The following CYP27C1 variants were observed in gnomAD, a reference collection of about 807,000 sequenced individuals.
CYP27C1 encodes the protein cytochrome P450 27C1.
CYP27C1 carries 29 observed loss-of-function variants against 40.6 expected under a neutral mutation model. The observed-to-expected ratio is 0.71, with a 90% CI of 0.53 to 0.97. CYP27C1 has a LOEUF of 0.97. Ranked by LOEUF, CYP27C1 falls within the 50% of genes least tolerant of loss-of-function variation. The pLI is 0.00. For missense variants in CYP27C1, 390 were observed against 485.8 expected, an observed-to-expected ratio of 0.80 and a Z score of 1.85; for synonymous variants, 198 against 186.8, an observed-to-expected ratio of 1.06 and a Z score of -0.49.
At chr2:127,197,611 C>A (rs190048808) in intron 5 of CYP27C1, among the ~76,000 whole-genome samples, 1 of 152,136 alleles carries the variant, frequency 6.6e-6, no homozygotes. Context: ...CGAAGCGTCA[C>A]GCAATCTTAA....
intron 1 of CYP27C1, among the ~76,000 whole-genome samples, chr2:127,210,930 C>T (rs113528216): frequency 1.3e-5 from 2 of 152,080 alleles, no homozygotes; most frequent in African/African-American, 4.8e-5. Context: ...GACTTTAACA[C>T]CCCACTGTCA....
chr2:127,219,544 C>T lies in CYP27C1; in HGVS notation c.282+445G>A, dbSNP rs1041886885. On this transcript the variant is annotated intron_variant, in intron 1 of 8. Transcript: ENST00000664447. The surrounding 1 kb of genome is among the most constrained non-coding windows in gnomAD (Gnocchi z 8.7). The stretch of plus-strand genomic sequence containing the variant: ...CCATCCCTGACTCCCCTCCCCGCTA[C>T]CTCCTCCCCAGGGGTCCCGGCTGGG... 1.3e-5 allele frequency among the ~76,000 whole-genome samples: 2 copies of T among 151,804 alleles called. No individual in the cohort carries two copies. The highest frequency in any genetic ancestry group is 4.8e-5 in the African/African-American group (2 of 41,302).
intron 1 of CYP27C1, among the ~76,000 whole-genome samples, chr2:127,207,818 A>G (rs577254477): frequency 3.7e-4 from 56 of 152,296 alleles, no homozygotes; most frequent in African/African-American, 1.3e-3. Flanking sequence ...AGCCTGAAAT[A>G]AATGGCAAGA....
At chr2:127,189,452 A>G (rs551862257) in intron 8 of CYP27C1, among the ~76,000 whole-genome samples, 56 of 152,028 alleles carry the variant, frequency 3.7e-4, no homozygotes, top group Non-Finnish European at 5.6e-4. Context: ...GGGGCCTGTC[A>G]GGGGGATAGG....
Position 127,185,637 on chromosome 2 carries a change from TTTCA to T in CYP27C1, c.*1630_*1633del, listed in dbSNP as rs1407080507. On this transcript the variant is annotated 3_prime_UTR_variant, in exon 9 of 9. Transcript: ENST00000664447. The surrounding 1 kb of genome is among the most constrained non-coding windows in gnomAD (Gnocchi z 4.9). ...GAGTTATTCTGCTACCACACAGAGATTTCAACTTTATTATATACTTTAACAAAAA... is the reference window on the plus strand; with the variant it reads ...GAGTTATTCTGCTACCACACAGAGATACTTTATTATATACTTTAACAAAAA... 6.6e-6 allele frequency: 1 copy of T among 152,216 alleles called. No homozygotes were observed. The highest frequency in any genetic ancestry group is 1.5e-5 in the Non-Finnish European group (1 of 68,044). 9.4% of individuals were successfully genotyped at this position (152,216 alleles called of 1,614,324 possible). A position where few individuals can be genotyped will look rare whatever the true frequency, so the allele number is the denominator to read the frequency against.
Position 127,218,361 on chromosome 2 carries a change from A to G in CYP27C1, c.282+1628T>C, listed in dbSNP as rs931545686. On this transcript the variant is annotated intron_variant, in intron 1 of 8. Transcript: ENST00000664447. The surrounding 1 kb of genome is among the most constrained non-coding windows in gnomAD (Gnocchi z 6.0). ...AGCAGGCTGTATTGAACCCATCAACAGCAAATAACAAAACACTTTTTACTG... is the reference window on the plus strand; with the variant it reads ...AGCAGGCTGTATTGAACCCATCAACGGCAAATAACAAAACACTTTTTACTG... 2.0e-5 allele frequency among the ~76,000 whole-genome samples: 3 copies of G among 152,168 alleles called. No homozygotes were observed. The highest frequency in any genetic ancestry group is 4.4e-5 in the Non-Finnish European group (3 of 68,032).
chr2:127,214,162 G>C (rs12463909), intron 1 of CYP27C1, among the ~76,000 whole-genome samples: 62,450 of 152,026 alleles, frequency 0.41, 13,636 homozygotes, highest in East Asian at 0.62. Flanking sequence ...TTACTAAAAA[G>C]TCAGGAATAG....
Position 127,209,871 on chromosome 2 carries a change from A to C in CYP27C1, c.283-3781T>G, listed in dbSNP as rs549251625. Among the ~76,000 whole-genome samples the C allele has an allele frequency of 6.6e-6, 1 of 152,356 alleles. No homozygotes were observed. The highest frequency in any genetic ancestry group is 1.9e-4 in the East Asian group (1 of 5,194). On this transcript the variant is annotated intron_variant, in intron 1 of 8. Coordinates refer to ENST00000664447, the MANE Select transcript of CYP27C1 (RefSeq NM_001367502.1). The surrounding 1 kb of genome is among the most constrained non-coding windows in gnomAD (Gnocchi z 4.1). ...CAAAGAAATATGGGACTTCATAAAA[A>C]CAGCAAACCTACAATCGACTGGAGC...
In CYP27C1 at chr2:127,213,164, G is replaced by T. The variant is rs568046464; in HGVS notation, c.282+6825C>A. Among the ~76,000 whole-genome samples, 23 of 152,200 alleles carry T rather than the reference G, an allele frequency of 1.5e-4. No homozygotes were observed. The South Asian group carries it at 4.8e-3, about 32-fold the overall frequency. ...TACAAACCACTGCTCAAGAAAATAA[G>T]AGAGGACACAAACAAATGGAAAAAC... is the stretch of plus-strand genomic sequence containing the variant. On this transcript the variant is annotated intron_variant, in intron 1 of 8. Coordinates refer to ENST00000664447, the MANE Select transcript of CYP27C1 (RefSeq NM_001367502.1).
intron 5 of CYP27C1, among the ~76,000 whole-genome samples, chr2:127,198,146 C>T (rs1156994651): frequency 6.6e-6 from 1 of 151,644 alleles, no homozygotes; most frequent in Non-Finnish European, 1.5e-5. Flanking sequence ...TATCATTGAT[C>T]TGCCATGCTA....
intron 5 of CYP27C1, among the ~76,000 whole-genome samples, chr2:127,198,729 A>G (rs752063066): frequency 4.6e-5 from 7 of 152,212 alleles, no homozygotes; most frequent in Non-Finnish European, 8.8e-5. Flanking sequence ...GTACAGTAAC[A>G]TTCCGTACAG....
Position 127,219,196 on chromosome 2 carries a change from G to A in CYP27C1, c.282+793C>T, listed in dbSNP as rs1683499658. Among the ~76,000 whole-genome samples the A allele has an allele frequency of 6.6e-6, 1 of 152,086 alleles. No homozygotes were observed. The highest frequency in any genetic ancestry group is 2.4e-5 in the African/African-American group (1 of 41,410). ...CCACCTAAGGACACCGAGCTCCGCA[G>A]AGCCTAGAGGAGCTAGGGAACCTAG... is the stretch of plus-strand genomic sequence containing the variant. On this transcript the variant is annotated intron_variant, in intron 1 of 8. Transcript: ENST00000664447. The surrounding 1 kb of genome is among the most constrained non-coding windows in gnomAD (Gnocchi z 8.7).
rs758626622 is a variant in CYP27C1 at position 127,195,506 on chromosome 2, GGAGA to G, written c.1048-9_1048-6del. ...CCAAGACAAGGTGAAGGACGTCTAAGGAGAGAAAGTGGCAGACACAGGCAGGCAG... is the reference window on the plus strand; with the variant it reads ...CCAAGACAAGGTGAAGGACGTCTAAGGAAAGTGGCAGACACAGGCAGGCAG... On this transcript the variant is annotated splice_polypyrimidine_tract_variant and splice_region_variant and intron_variant, in intron 5 of 8. Transcript: ENST00000664447. This position sits in a 1 kb window ranked among gnomAD's most constrained non-coding sequence, Gnocchi z 6.2. The G allele has an allele frequency of 3.1e-6, 5 of 1,613,490 alleles. No individual in the cohort carries two copies. The highest frequency in any genetic ancestry group is 4.2e-6 in the Non-Finnish European group (5 of 1,179,718).
At chr2:127,205,830 C>T in intron 2 of CYP27C1, 70 bp downstream of exon 2, 2 of 896,828 alleles carry the variant, frequency 2.2e-6, no homozygotes, top group Non-Finnish European at 2.6e-6. Context: ...AGGAACTCAG[C>T]TTTGGAGGAG....
chr2:127,188,560 G>A (rs1682691004), intron 8 of CYP27C1, among the ~76,000 whole-genome samples: 1 of 152,090 alleles, frequency 6.6e-6, no homozygotes, highest in African/African-American at 2.4e-5. Flanking sequence ...GAAAGGAGAG[G>A]TAGAGCTCTC....
At position 127,201,141 on chromosome 2, in the gene CYP27C1, C is replaced by G; in HGVS notation, c.864G>C (p.Trp288Cys). ...TCTTACTGAATTTGAAGAGTCCATC[C>G]CAGGACCTGCAGAATTCCCGCCAGG... ...PKPWREFCRS[W>C]DGLFKFSQIH... Residue 288 changes from tryptophan to cysteine, a missense_variant, in exon 4 of 9, where the codon TGG (tryptophan) becomes TGC (cysteine). Physicochemically the swap from Trp to Cys is radical, Grantham distance 215 (BLOSUM62 -2). Coordinates refer to ENST00000664447, the MANE Select transcript of CYP27C1 (RefSeq NM_001367502.1). The surrounding 1 kb of genome is among the most constrained non-coding windows in gnomAD (Gnocchi z 6.0). 1 of 1,613,520 alleles carries G rather than the reference C, an allele frequency of 6.2e-7. No homozygotes were observed. Among genetic ancestry groups the G allele is most frequent in the Non-Finnish European group, 8.5e-7 (1 of 1,179,998 alleles).
intron 8 of CYP27C1, 37 bp downstream of exon 8, chr2:127,193,057 C>T (rs763339404): frequency 2.2e-5 from 35 of 1,609,816 alleles, no homozygotes; most frequent in South Asian, 3.3e-5. Context: ...AGAAAGAGGC[C>T]GAACCCAAAG....
In CYP27C1 at chr2:127,206,427, G is replaced by A. The variant is rs373921188; in HGVS notation, c.283-337C>T. Among the ~76,000 whole-genome samples, 59 of 152,158 alleles carry A rather than the reference G, an allele frequency of 3.9e-4. 1 individual carries two copies. The East Asian group carries it at 0.01, about 26-fold the overall frequency. The stretch of plus-strand genomic sequence containing the variant: ...GGGCCCAGGCAATCCTCCCACCTCA[G>A]CCTCCCAAGTAGCTAGGACTGCAGG... On this transcript the variant is annotated intron_variant, in intron 1 of 8. Transcript: ENST00000664447.
In CYP27C1 at chr2:127,195,403, C is replaced by A; in HGVS notation, c.1146G>T (p.Arg382Ser). ...GGACATCAGCTGCAGTTGGAACATG[C>A]CTTTCCCCTAAATTCTTCACAATCT... ...YREIVKNLGE[R>S]HVPTAADVPK... The change falls in exon 6 of 9, where the codon AGG becomes AGT. Residue 382 changes from arginine to serine, a missense_variant. Arg to Ser is a moderately radical substitution (Grantham distance 110). Coordinates refer to ENST00000664447, the MANE Select transcript of CYP27C1 (RefSeq NM_001367502.1). The surrounding 1 kb of genome is among the most constrained non-coding windows in gnomAD (Gnocchi z 6.2). 6.2e-7 allele frequency: 1 copy of A among 1,614,146 alleles called. No homozygotes were observed. The highest frequency in any genetic ancestry group is 8.5e-7 in the Non-Finnish European group (1 of 1,180,036).
Sources: allele counts gnomAD v4.1 joint callset (sites outside exome capture counted in the v4.1 genomes callset), GRCh38; gene constraint gnomAD v4.1.1; non-coding constraint Gnocchi (gnomAD v3.1); transcripts MANE v1.5; gene names NCBI Gene and HGNC (gene_info 2026-07-23, HGNC 2026-07-21).